RBFOX1: variants seen among roughly 807,000 people sequenced by gnomAD.
RBFOX1 encodes the protein RNA binding protein fox-1 homolog 1.
RBFOX1 carries 8 observed loss-of-function variants against 57.7 expected under a neutral mutation model. The ratio of observed to expected loss-of-function variants is 0.14; its 90% CI spans 0.08 to 0.25. RBFOX1 has a LOEUF of 0.25. Ranked by LOEUF, RBFOX1 falls within the 10% of genes least tolerant of loss-of-function variation. RBFOX1 has a pLI of 1.00. For missense variants in RBFOX1, 611 were observed against 548.5 expected (o/e 1.11, Z -1.14); for synonymous variants, 326 against 222.4 (o/e 1.47, Z -4.15).
At chr16:7,063,028 G>C (rs2054965724) in intron 4 of RBFOX1, among the ~76,000 whole-genome samples, 1 of 147,560 alleles carries the variant, frequency 6.8e-6, no homozygotes, top group African/African-American at 2.5e-5. Flanking sequence ...AGAGCCAAGA[G>C]TTTGGTTAAA....
chr16:6,306,144 G>A (rs564329925), intron 1 of RBFOX1, among the ~76,000 whole-genome samples: 1 of 152,164 alleles, frequency 6.6e-6, no homozygotes, highest in Admixed American at 6.5e-5. Flanking sequence ...CATTCAGCCT[G>A]GTGGGAGAGA....
intron 4 of RBFOX1, among the ~76,000 whole-genome samples, chr16:7,216,391 A>G (rs1231807001): frequency 6.6e-6 from 1 of 152,138 alleles, no homozygotes; most frequent in Non-Finnish European, 1.5e-5. Flanking sequence ...GCAGTGGCTC[A>G]TGCCTGTAAT....
At chr16:6,857,211 C>T (rs543300606) in intron 3 of RBFOX1, among the ~76,000 whole-genome samples, 234 of 152,240 alleles carry the variant, frequency 1.5e-3, no homozygotes, top group South Asian at 2.5e-3. Context: ...GCTCTCTCTA[C>T]GCTGATATAT....
intron 1 of RBFOX1, among the ~76,000 whole-genome samples, chr16:6,165,464 T>A (rs888890709): frequency 1.3e-5 from 2 of 152,178 alleles, no homozygotes; most frequent in East Asian, 1.9e-4. Flanking sequence ...AGGAGCTATT[T>A]GCAGAAGTCT....
chr16:7,028,875 A>G (rs1479141400), intron 3 of RBFOX1, among the ~76,000 whole-genome samples: 2 of 150,874 alleles, frequency 1.3e-5, no homozygotes, highest in African/African-American at 4.9e-5. Context: ...CTGAGTGGGA[A>G]TCCAAGCTCT....
chr16:5,494,419 C>G (rs1445207939), intron 2 of RBFOX1, among the ~76,000 whole-genome samples: 1 of 152,168 alleles, frequency 6.6e-6, no homozygotes, highest in Admixed American at 6.5e-5. Context: ...TCATGGCTTT[C>G]TTTTGCACAT....
At chr16:7,082,002 C>G (rs189818308) in intron 4 of RBFOX1, among the ~76,000 whole-genome samples, 4 of 152,270 alleles carry the variant, frequency 2.6e-5, no homozygotes, top group Admixed American at 6.5e-5. Flanking sequence ...TGAGCAGCCA[C>G]GTGGCTGAAA....
At position 6,857,073 on chromosome 16, in the gene RBFOX1, TTTC is replaced by T. The variant is rs369839007; in HGVS notation, c.-15-194981_-15-194979del. Among the ~76,000 whole-genome samples, 271 of 152,318 alleles carry T rather than the reference TTTC, an allele frequency of 1.8e-3. 9 individuals carry two copies. In the South Asian group the frequency reaches 0.054, roughly 30 times the overall value. On this transcript the variant is annotated intron_variant, in intron 3 of 15. Transcript: ENST00000550418. ...CCCACATCATTGCTGGCTGGTTGTC[TTTC>T]TTATTTGTTGTGAAGTGATTGCTTC... is the stretch of plus-strand genomic sequence containing the variant.
intron 2 of RBFOX1, among the ~76,000 whole-genome samples, chr16:5,597,710 G>C (rs2047232376): frequency 6.6e-6 from 1 of 152,080 alleles, no homozygotes; most frequent in African/African-American, 2.4e-5. Context: ...TGACACTTTT[G>C]AGGCAGGAGC....
chr16:5,795,122 T>A (rs2054832941), intron 3 of RBFOX1, among the ~76,000 whole-genome samples: 1 of 152,190 alleles, frequency 6.6e-6, no homozygotes, highest in Admixed American at 6.5e-5. Flanking sequence ...CTTATTATAT[T>A]GTTTCTGTAG....
At chr16:6,061,344 G>C (rs1023170169) in intron 1 of RBFOX1, among the ~76,000 whole-genome samples, 1 of 152,054 alleles carries the variant, frequency 6.6e-6, no homozygotes, top group Non-Finnish European at 1.5e-5. Context: ...GGGTGTAAGC[G>C]ACAAGTGGTC....
chr16:7,076,114 T>A (rs991954752), intron 4 of RBFOX1, among the ~76,000 whole-genome samples: 2 of 151,386 alleles, frequency 1.3e-5, no homozygotes, highest in African/African-American at 4.9e-5. Flanking sequence ...CGATCTCGGC[T>A]CACTGCAACC....
intron 4 of RBFOX1, among the ~76,000 whole-genome samples, chr16:7,300,770 A>G (rs2096012080): frequency 6.6e-6 from 1 of 152,230 alleles, no homozygotes; most frequent in South Asian, 2.1e-4. Flanking sequence ...TTATGAGTCA[A>G]ATTAAAACTT....
Position 5,574,302 on chromosome 16 carries a change from T to G in RBFOX1, c.259-24600T>G, listed in dbSNP as rs531821046. Among the ~76,000 whole-genome samples, 5 of 152,384 alleles carry G rather than the reference T, an allele frequency of 3.3e-5. No homozygotes were observed. The East Asian group carries it at 9.6e-4, about 29-fold the overall frequency. On this transcript the variant is annotated intron_variant, in intron 2 of 2. Coordinates refer to the RBFOX1 transcript ENST00000585867. ...TGCCTGGAAAATGAGGATCTGATTG[T>G]GCTGTATCTGTCTGTAGCCTCCTAA...
intron 3 of RBFOX1, among the ~76,000 whole-genome samples, chr16:6,690,219 T>G (rs1331684671): frequency 6.6e-6 from 1 of 152,184 alleles, no homozygotes; most frequent in Non-Finnish European, 1.5e-5. Context: ...GAGTTTACTT[T>G]AAAGAGCATG....
intron 3 of RBFOX1, among the ~76,000 whole-genome samples, chr16:6,755,262 C>G (rs1180221536): frequency 6.6e-6 from 1 of 152,098 alleles, no homozygotes; most frequent in Non-Finnish European, 1.5e-5. Flanking sequence ...TAGTTAGATC[C>G]CTGAGTAATC....
Position 7,047,716 on chromosome 16 carries a change from CTTTTTTTTTTTTTT to C in RBFOX1, c.-15-4325_-15-4312del, listed in dbSNP as rs55636828. Among the ~76,000 whole-genome samples, 476 of 47,954 alleles carry C rather than the reference CTTTTTTTTTTTTTT, an allele frequency of 9.9e-3. 11 individuals are homozygous for C. The highest frequency in any genetic ancestry group is 0.082 in the East Asian group (202 of 2,476). The allele number at this position is 47,954 out of a possible 152,430, so 31.5% of individuals were successfully genotyped here. On this transcript the variant is annotated intron_variant, in intron 3 of 15. Coordinates refer to ENST00000550418, the MANE Select transcript of RBFOX1 (RefSeq NM_018723.4). ...TATTTGTTCCACAGGTCCTGCATTT[CTTTTTTTTTTTTTT>C]TTTTTTTTTTTTTTTGTCTTCAATT...
chr16:7,188,610 G>C (rs117090990), intron 4 of RBFOX1, among the ~76,000 whole-genome samples: 5,426 of 152,262 alleles, frequency 0.036, 140 homozygotes, highest in South Asian at 0.094. Context: ...TTATGCTGCA[G>C]ACTTTTCCAA....
chr16:6,343,878 T>C (rs1488167694), intron 2 of RBFOX1, among the ~76,000 whole-genome samples: 1 of 152,148 alleles, frequency 6.6e-6, no homozygotes, highest in Admixed American at 6.6e-5. Context: ...AGAATCACCA[T>C]CCCCTGAGAA....
Sources: allele counts gnomAD v4.1 joint callset (sites outside exome capture counted in the v4.1 genomes callset), GRCh38; gene constraint gnomAD v4.1.1; transcripts MANE v1.5; gene names NCBI Gene and HGNC (gene_info 2026-07-23, HGNC 2026-07-21).